TBCD: variants seen among roughly 807,000 people sequenced by gnomAD.
TBCD encodes the protein tubulin folding cofactor D.
TBCD carries 105 observed loss-of-function variants against 169.3 expected under a neutral mutation model. The observed-to-expected ratio is 0.62, with a 90% CI of 0.53 to 0.73. The LOEUF (loss-of-function observed/expected upper bound fraction) is 0.73. Ranked by LOEUF, TBCD falls within the 30% of genes least tolerant of loss-of-function variation. The pLI, the probability that TBCD is intolerant of heterozygous loss-of-function variation, is 0.00. For missense variants in TBCD, 1,444 were observed against 1,600.1 expected (o/e 0.90, Z 1.66); for synonymous variants, 700 against 643.9 (o/e 1.09, Z -1.32).
intron 14 of TBCD, among the ~76,000 whole-genome samples, chr17:82,872,910 CCGG>C (rs1319542092): frequency 1.7e-5 from 2 of 118,454 alleles, no homozygotes; most frequent in African/African-American, 3.4e-5. Context: ...TGAGCCAGGC[CCGG>C]CACCTCGTGG....
intron 9 of TBCD, among the ~76,000 whole-genome samples, chr17:82,802,897 G>A (rs930132588): frequency 6.6e-6 from 1 of 152,256 alleles, no homozygotes; most frequent in African/African-American, 2.4e-5. Flanking sequence ...TGTTGGTACA[G>A]AAAATAATCC....
In TBCD at chr17:82,905,088, C is replaced by T. The variant is rs1452200460; in HGVS notation, c.1805-848C>T. The stretch of plus-strand genomic sequence containing the variant: ...GGTGTGGCAGAGCCGCCTCCCTCTG[C>T]GTCCGTGAGGGTTCTGAGGAGTCTG... On this transcript the variant is annotated intron_variant, in intron 19 of 38. Coordinates refer to ENST00000355528, the MANE Select transcript of TBCD (RefSeq NM_005993.5). 3.9e-5 allele frequency among the ~76,000 whole-genome samples: 6 copies of T among 152,196 alleles called. No individual in the cohort carries two copies. In the East Asian group the frequency reaches 5.8e-4, roughly 15 times the overall value.
At chr17:82,927,495 G>C (rs568564823) in intron 29 of TBCD, among the ~76,000 whole-genome samples, 172 bp downstream of exon 29, 4 of 152,216 alleles carry the variant, frequency 2.6e-5, no homozygotes, top group African/African-American at 9.7e-5. Flanking sequence ...GTGAGCCTGC[G>C]TGGCAGGGCT....
At chr17:82,822,693 A>C (rs543904425) in intron 13 of TBCD, among the ~76,000 whole-genome samples, 1 of 152,292 alleles carries the variant, frequency 6.6e-6, no homozygotes, top group South Asian at 2.1e-4. Flanking sequence ...CAGTGTTCGG[A>C]GTGAGACCAG....
At chr17:82,846,037 A>G (rs1480127728) in intron 13 of TBCD, among the ~76,000 whole-genome samples, 2 of 152,258 alleles carry the variant, frequency 1.3e-5, no homozygotes, top group Non-Finnish European at 2.9e-5. Flanking sequence ...CCGAGGGCAC[A>G]GCTTCAGGAA....
intron 2 of TBCD, among the ~76,000 whole-genome samples, chr17:82,757,118 T>G (rs2047442411): frequency 1.3e-5 from 2 of 152,212 alleles, no homozygotes; most frequent in Admixed American, 1.3e-4. Context: ...GTCACCACGT[T>G]GAGAGGGAGC....
At chr17:82,909,772 C>G (rs139657796) in intron 22 of TBCD, among the ~76,000 whole-genome samples, 1 of 152,218 alleles carries the variant, frequency 6.6e-6, no homozygotes, top group Non-Finnish European at 1.5e-5. Context: ...CAGGTGTCAT[C>G]GCGTTTCCTC....
chr17:82,759,395 T>A (rs952531577), intron 2 of TBCD, among the ~76,000 whole-genome samples: 23 of 152,224 alleles, frequency 1.5e-4, no homozygotes, highest in Admixed American at 5.2e-4. Flanking sequence ...GCAGGAGAAT[T>A]GCTTGAACTG....
chr17:82,910,933 G>A (rs1173015769), intron 22 of TBCD, among the ~76,000 whole-genome samples: 4 of 152,164 alleles, frequency 2.6e-5, no homozygotes, highest in African/African-American at 4.8e-5. Flanking sequence ...TACCTTCGAG[G>A]GGTGAAGCCT....
At chr17:82,777,077 GTTTTAA>G (rs984406795) in intron 6 of TBCD, among the ~76,000 whole-genome samples, 3 of 152,060 alleles carry the variant, frequency 2.0e-5, no homozygotes, top group Non-Finnish European at 4.4e-5. Flanking sequence ...TTGGACCAAA[GTTTTAA>G]TTTTAATGTC....
intron 30 of TBCD, among the ~76,000 whole-genome samples, chr17:82,928,275 G>A (rs2061923853): frequency 6.6e-6 from 1 of 152,190 alleles, no homozygotes; most frequent in Non-Finnish European, 1.5e-5. Flanking sequence ...TTTGATGACA[G>A]CCAGCTTCCC....
At chr17:82,941,676 T>A in intron 38 of TBCD, 193 bp downstream of exon 38, 1 of 584,880 alleles carries the variant, frequency 1.7e-6, no homozygotes, top group Non-Finnish European at 3.0e-6. Flanking sequence ...TGTGGGCCCC[T>A]GTGGCATCCA....
chr17:82,832,181 C>G lies in TBCD; in HGVS notation c.1318+17247C>G. On this transcript the variant is annotated intron_variant, in intron 13 of 38. Coordinates refer to ENST00000355528, the MANE Select transcript of TBCD (RefSeq NM_005993.5). This position sits in a 1 kb window ranked among gnomAD's most constrained non-coding sequence, Gnocchi z 4.9. Reference sequence around the variant, plus strand: ...GAGTCGAAGGCAGAGAGTCCATTTGCGACAGACTTGGAAGAGGCTGGCTTC... The same window carrying G: ...GAGTCGAAGGCAGAGAGTCCATTTGGGACAGACTTGGAAGAGGCTGGCTTC... 6.2e-7 allele frequency: 1 copy of G among 1,614,214 alleles called. No individual in the cohort carries two copies. Among genetic ancestry groups the G allele is most frequent in the Non-Finnish European group, 8.5e-7 (1 of 1,180,050 alleles).
At chr17:82,819,090 C>G (rs1304183873) in intron 13 of TBCD, among the ~76,000 whole-genome samples, 3 of 152,112 alleles carry the variant, frequency 2.0e-5, no homozygotes, top group African/African-American at 7.2e-5. Flanking sequence ...AAAACAAATG[C>G]TTGGCAAATA....
chr17:82,852,587 A>G (rs1032256389), intron 13 of TBCD, among the ~76,000 whole-genome samples: 1 of 152,010 alleles, frequency 6.6e-6, no homozygotes, highest in African/African-American at 2.4e-5. Context: ...TTAGGCGGAC[A>G]CTGGTCATAG....
intron 13 of TBCD, among the ~76,000 whole-genome samples, chr17:82,852,435 G>C (rs114827728): frequency 0.01 from 1,549 of 152,296 alleles, 33 homozygotes; most frequent in African/African-American, 0.035. Context: ...CACAGTTCTG[G>C]AGGCTGGGTG....
chr17:82,804,052 G>A (rs1162295256), intron 9 of TBCD, among the ~76,000 whole-genome samples: 4 of 144,978 alleles, frequency 2.8e-5, no homozygotes, highest in African/African-American at 7.7e-5. Context: ...AGTGGGGGCC[G>A]GGGTGCACCT....
chr17:82,801,470 TGGC>T (rs1198230558), intron 9 of TBCD, among the ~76,000 whole-genome samples: 43 of 81,894 alleles, frequency 5.3e-4, no homozygotes, highest in South Asian at 2.3e-3. Flanking sequence ...CGTGGCAGGA[TGGC>T]GGCGTGTGTG....
At chr17:82,834,061 C>A (rs1214338549) in intron 13 of TBCD, among the ~76,000 whole-genome samples, 1 of 152,178 alleles carries the variant, frequency 6.6e-6, no homozygotes, top group African/African-American at 2.4e-5. Flanking sequence ...TCTCCTGCCT[C>A]AGCCTCCCGA....
Sources: gnomAD v4.1 joint callset for allele counts (sites outside exome capture counted in the v4.1 genomes callset) on GRCh38, gnomAD v4.1.1 for gene constraint, Gnocchi (gnomAD v3.1) non-coding constraint, MANE v1.5 for transcripts, NCBI Gene and HGNC (gene_info 2026-07-23, HGNC 2026-07-21) for gene names.